Variants in FOXP4 observed in about 807,000 individuals in gnomAD.
The protein encoded by FOXP4 is forkhead box protein P4.
A neutral mutation model predicts 82.6 loss-of-function variants in FOXP4; 25 were observed. That is an observed-to-expected ratio of 0.30 (90% CI 0.22 to 0.42). The LOEUF (loss-of-function observed/expected upper bound fraction) is 0.42. Among genes scored for constraint, FOXP4 ranks in the 10% least tolerant of loss-of-function variants. The pLI is 1.00. For missense variants in FOXP4, 785 were observed against 900.9 expected (o/e 0.87, Z 1.65); for synonymous variants, 415 against 388.2 (o/e 1.07, Z -0.81).
At chr6:41,587,243 A>C in intron 6 of FOXP4, 56 bp from the exon 7 acceptor site, 1 of 1,608,094 alleles carries the variant, frequency 6.2e-7, no homozygotes, top group Admixed American at 1.7e-5. Flanking sequence ...TCTTGGGGCC[A>C]GGTAGAAAGC....
Position 41,589,997 on chromosome 6 carries a change from A to C in FOXP4, c.1184A>C (p.Lys395Thr), listed in dbSNP as rs552168588. Residue 395 changes from lysine (K) to threonine (T), a missense_variant, in exon 11 of 17, where the codon AAG (lysine) becomes ACG (threonine). Lys to Thr is a moderately conservative substitution (Grantham distance 78). Around this residue, in one of 3 missense-constraint regions of FOXP4, gnomAD observed 570 missense variants for 634.0 expected, o/e 0.90. Transcript: ENST00000307972. ...NPVPGSSSFS[K>T]VTVSAADSFP... ...GTCCCCGGCTCCTCCTCATTCTCCA[A>C]GGTGACCGTCTCTGCAGCAGACTCA... The C allele has an allele frequency of 1.2e-5, 20 of 1,613,894 alleles. 1 individual carries two copies. The South Asian group carries it at 2.0e-4, about 16-fold the overall frequency.
intron 3 of FOXP4, among the ~76,000 whole-genome samples, chr6:41,579,217 G>A (rs1765663909): frequency 6.6e-6 from 1 of 152,176 alleles, no homozygotes; most frequent in East Asian, 1.9e-4. Context: ...ACCCTCAAAG[G>A]GGAGGAGCTG....
intron 14 of FOXP4, among the ~76,000 whole-genome samples, chr6:41,595,666 G>A (rs563350106): frequency 3.3e-5 from 5 of 151,992 alleles, no homozygotes; most frequent in South Asian, 2.1e-4. Flanking sequence ...GCAATGGCAC[G>A]ATCTCAGCTC....
intron 16 of FOXP4, among the ~76,000 whole-genome samples, chr6:41,598,164 A>C (rs1379614747): frequency 0.029 from 1,470 of 50,048 alleles, no homozygotes; most frequent in African/African-American, 0.033. Flanking sequence ...CCACCTTCCC[A>C]CCTTCTCCTC....
At position 41,589,796 on chromosome 6, in the gene FOXP4, A is replaced by G; in HGVS notation, c.1091A>G (p.Gln364Arg). 1 of 1,611,222 alleles carries G rather than the reference A, an allele frequency of 6.2e-7. No individual in the cohort carries two copies. Among genetic ancestry groups the G allele is most frequent in the Non-Finnish European group, 8.5e-7 (1 of 1,179,910 alleles). Residue 364 changes from glutamine to arginine, a missense_variant, in exon 10 of 17, where the codon CAG (glutamine) becomes CGG (arginine). This residue lies in a region of FOXP4 where 570 missense variants were observed against 634.0 expected (regional missense o/e 0.90). Transcript: ENST00000307972. ...CTCGCCAAGGAGAGCGAGCGGCTGC[A>G]GGCCATGATGGCCCACCTGCACATG... Reference protein sequence around the residue: ...IQLAKESERLQAMMAHLHMRP... With the variant: ...IQLAKESERLRAMMAHLHMRP...
At chr6:41,547,024 C>T (rs1181571847) in intron 1 of FOXP4, among the ~76,000 whole-genome samples, 157 bp downstream of exon 1, 3 of 151,440 alleles carry the variant, frequency 2.0e-5, no homozygotes, top group Non-Finnish European at 4.4e-5. Context: ...CAGGAGGAGC[C>T]GGGCCCGGGC....
rs369410094 is a variant in FOXP4 at position 41,597,262 on chromosome 6, C to T, written c.1725+20C>T. 5.1e-4 allele frequency: 829 copies of T among 1,613,052 alleles called. 1 individual carries two copies. Among genetic ancestry groups the T allele is most frequent in the Non-Finnish European group, 6.8e-4 (806 of 1,179,368 alleles). On this transcript the variant is annotated intron_variant, in intron 15 of 16. Coordinates refer to ENST00000307972, the MANE Select transcript of FOXP4 (RefSeq NM_001012426.2). The stretch of plus-strand genomic sequence containing the variant: ...TACCAGGTGACCTGCCCAGAGCCCA[C>T]CCACTCACCTCTACCTCCCGCCCCC...
rs942781192 is a variant in FOXP4 at position 41,599,016 on chromosome 6, C to T, written c.*80C>T. ...GCCCCATCTCCCCCAACTCCACAGCCCCTCCCGAGCCTCAAGGCAAGTCCA... is the reference window on the plus strand; with the variant it reads ...GCCCCATCTCCCCCAACTCCACAGCTCCTCCCGAGCCTCAAGGCAAGTCCA... On this transcript the variant is annotated 3_prime_UTR_variant, in exon 17 of 17. Transcript: ENST00000307972. The T allele has an allele frequency of 4.8e-6, 7 of 1,451,500 alleles. No individual in the cohort carries two copies. The highest frequency in any genetic ancestry group is 6.4e-6 in the Non-Finnish European group (7 of 1,099,680). The allele number at this position is 1,451,500 out of a possible 1,614,324, so 89.9% of individuals were successfully genotyped here.
intron 1 of FOXP4, among the ~76,000 whole-genome samples, chr6:41,551,338 C>G (rs1271427007): frequency 2.0e-5 from 3 of 152,240 alleles, no homozygotes; most frequent in Non-Finnish European, 4.4e-5. Flanking sequence ...CCCTCCTTGC[C>G]TTGATCCTGG....
rs1766952221 is a variant in FOXP4, at chr6:41,597,886, C to G, written c.1831C>G (p.Pro611Ala). Residue 611 changes from proline to alanine, a missense_variant, in exon 16 of 17, where the codon CCC (proline) becomes GCC (alanine). Physicochemically the swap from Pro to Ala is conservative, Grantham distance 27. Around this residue, in one of 3 missense-constraint regions of FOXP4, gnomAD observed 184 missense variants for 187.3 expected, o/e 0.98. Coordinates refer to ENST00000307972, the MANE Select transcript of FOXP4 (RefSeq NM_001012426.2). The part of the protein sequence containing the change: ...LPLSHDDVGA[P>A]VEPLPSNGSS... ...CCTCAGCCACGATGACGTGGGTGCC[C>G]CCGTGGAGCCGCTGCCCAGCAACGG... is the stretch of plus-strand genomic sequence containing the variant. The G allele has an allele frequency of 6.3e-7, 1 of 1,591,324 alleles. No individual in the cohort carries two copies. The highest frequency in any genetic ancestry group is 1.3e-5 in the African/African-American group (1 of 74,678).
chr6:41,591,212 T>A lies in FOXP4; in HGVS notation c.1435-9T>A. ...GCTGACGGTCCCTTTGCTTGTTCCT[T>A]CCCCGCAGGCCATCCTGGAAACCCC... On this transcript the variant is annotated splice_polypyrimidine_tract_variant and intron_variant, in intron 12 of 16. Coordinates refer to ENST00000307972, the MANE Select transcript of FOXP4 (RefSeq NM_001012426.2). The surrounding 1 kb of genome is among the most constrained non-coding windows in gnomAD (Gnocchi z 4.2). 3.1e-6 allele frequency: 5 copies of A among 1,602,442 alleles called. No homozygotes were observed. The highest frequency in any genetic ancestry group is 4.3e-6 in the Non-Finnish European group (5 of 1,174,088).
chr6:41,562,686 G>A (rs1477373194), intron 1 of FOXP4, among the ~76,000 whole-genome samples: 4 of 152,190 alleles, frequency 2.6e-5, no homozygotes, highest in Non-Finnish European at 2.9e-5. Context: ...ATACACCCCT[G>A]AGGCTCTGGT....
chr6:41,560,588 C>T (rs1764517740), intron 1 of FOXP4, among the ~76,000 whole-genome samples: 1 of 152,208 alleles, frequency 6.6e-6, no homozygotes, highest in Non-Finnish European at 1.5e-5. Context: ...GGCTGCCCCG[C>T]CCCTCTCTCC....
intron 1 of FOXP4, among the ~76,000 whole-genome samples, chr6:41,564,284 T>C (rs549292924): frequency 1.4e-3 from 213 of 152,204 alleles, no homozygotes; most frequent in Non-Finnish European, 2.6e-3. Context: ...CTACTAATGG[T>C]GTTGCGTGCC....
intron 2 of FOXP4, among the ~76,000 whole-genome samples, chr6:41,571,754 C>T (rs904860208): frequency 6.6e-6 from 1 of 152,254 alleles, no homozygotes; most frequent in East Asian, 1.9e-4. Flanking sequence ...CTTGTCCCCC[C>T]TCTCTGTGTA....
intron 4 of FOXP4, 129 bp downstream of exon 4, chr6:41,585,020 T>C: frequency 7.8e-7 from 1 of 1,286,152 alleles, no homozygotes; most frequent in Non-Finnish European, 1.0e-6. Context: ...CAGACTGATC[T>C]GCATTCCTCT....
At chr6:41,552,282 G>T (rs544444429) in intron 1 of FOXP4, among the ~76,000 whole-genome samples, 1 of 152,314 alleles carries the variant, frequency 6.6e-6, no homozygotes, top group South Asian at 2.1e-4. Context: ...GAAGGAAGGG[G>T]TACACTAGGG....
At chr6:41,590,874 G>A (rs1766475142) in intron 12 of FOXP4, among the ~76,000 whole-genome samples, 1 of 152,146 alleles carries the variant, frequency 6.6e-6, no homozygotes, top group Admixed American at 6.5e-5. Flanking sequence ...CCTCCACCCC[G>A]TGGACATCTC....
intron 3 of FOXP4, among the ~76,000 whole-genome samples, chr6:41,580,390 T>G (rs1055943647): frequency 6.6e-6 from 1 of 152,190 alleles, no homozygotes; most frequent in Non-Finnish European, 1.5e-5. Context: ...GAACTCACAC[T>G]TTTAATCTCT....
Sources: allele counts gnomAD v4.1 joint callset (sites outside exome capture counted in the v4.1 genomes callset), GRCh38; gene constraint gnomAD v4.1.1; regional missense constraint gnomAD v4.1.1; non-coding constraint Gnocchi (gnomAD v3.1); transcripts MANE v1.5; gene names NCBI Gene and HGNC (gene_info 2026-07-23, HGNC 2026-07-21).